NTM: variants seen among roughly 807,000 people sequenced by gnomAD.
NTM encodes the protein neurotrimin, also known as IgLON family member 2.
NTM carries 13 observed loss-of-function variants against 42.1 expected under a neutral mutation model. That is an observed-to-expected ratio of 0.31 (90% CI 0.20 to 0.49). The LOEUF is 0.49. Among genes scored for constraint, NTM ranks in the 20% least tolerant of loss-of-function variants. The pLI is 0.99. For synonymous variants in NTM, 187 were observed against 179.2 expected (o/e 1.04, Z -0.35); for missense variants, 373 against 452.8 (o/e 0.82, Z 1.60).
Position 132,331,758 on chromosome 11 carries a change from G to T in NTM, c.967+1573G>T, listed in dbSNP as rs57277563. Among the ~76,000 whole-genome samples the T allele has an allele frequency of 8.9e-3, 1,360 of 152,340 alleles. 16 individuals carry two copies. The highest frequency in any genetic ancestry group is 0.031 in the African/African-American group (1,305 of 41,586). On this transcript the variant is annotated intron_variant, in intron 8 of 8. Transcript: ENST00000683400. ...TATGGCACTGAGCAAGGCAGGGAAG[G>T]CTGCCTGCAAGAGGTGCTGAAGGCT...
chr11:131,956,268 G>C (rs551648816), intron 2 of NTM, among the ~76,000 whole-genome samples: 1 of 152,294 alleles, frequency 6.6e-6, no homozygotes, highest in East Asian at 1.9e-4. Context: ...GAAGCTGGGT[G>C]CCCCCACATG....
At chr11:131,811,964 A>G (rs887672677) in intron 1 of NTM, among the ~76,000 whole-genome samples, 1 of 152,206 alleles carries the variant, frequency 6.6e-6, no homozygotes, top group Non-Finnish European at 1.5e-5. Flanking sequence ...AAGTATTTAC[A>G]GTAGATGATG....
chr11:132,252,138 G>A (rs375922957), intron 4 of NTM, among the ~76,000 whole-genome samples: 33 of 151,998 alleles, frequency 2.2e-4, no homozygotes, highest in East Asian at 1.9e-3. Context: ...AGGGCTGGCC[G>A]CTCAGCGTCA....
At chr11:132,314,919 A>G (rs941007335) in intron 7 of NTM, 13 of 1,330,346 alleles carry the variant, frequency 9.8e-6, no homozygotes, top group Non-Finnish European at 1.2e-5. Context: ...CAAGAGATAC[A>G]GTTTACATGT....
intron 2 of NTM, among the ~76,000 whole-genome samples, chr11:131,919,549 G>C (rs1404612570): frequency 6.6e-6 from 1 of 152,050 alleles, no homozygotes; most frequent in African/African-American, 2.4e-5. Context: ...CTAGAAAGAA[G>C]ATAGAGTGGG....
At chr11:132,024,505 A>T (rs543597700) in intron 2 of NTM, among the ~76,000 whole-genome samples, 1 of 152,308 alleles carries the variant, frequency 6.6e-6, no homozygotes, top group East Asian at 1.9e-4. Context: ...ATAAATTTTT[A>T]CTGTATTGTT....
intron 1 of NTM, among the ~76,000 whole-genome samples, chr11:131,509,853 A>G (rs1032718293): frequency 3.9e-5 from 6 of 152,316 alleles, no homozygotes; most frequent in Admixed American, 3.3e-4. Context: ...TCCTCAGCCC[A>G]TTGCTTCAAG....
At chr11:131,574,809 G>A (rs894407993) in intron 1 of NTM, among the ~76,000 whole-genome samples, 9 of 152,090 alleles carry the variant, frequency 5.9e-5, no homozygotes, top group African/African-American at 1.9e-4. Flanking sequence ...CAGCCTCAAA[G>A]TCCCTTGGCA....
intron 4 of NTM, among the ~76,000 whole-genome samples, chr11:132,237,763 G>A (rs549259723): frequency 6.6e-6 from 1 of 152,282 alleles, no homozygotes; most frequent in South Asian, 2.1e-4. Context: ...CGTAGCCAGA[G>A]GAAATCTGGG....
chr11:131,680,251 G>C (rs922561471), intron 1 of NTM, among the ~76,000 whole-genome samples: 1 of 152,132 alleles, frequency 6.6e-6, no homozygotes, highest in Non-Finnish European at 1.5e-5. Context: ...AAAATGAATC[G>C]GAAAAGATAC....
At chr11:131,754,723 A>T (rs2083095093) in intron 1 of NTM, among the ~76,000 whole-genome samples, 1 of 152,252 alleles carries the variant, frequency 6.6e-6, no homozygotes, top group Non-Finnish European at 1.5e-5. Flanking sequence ...GTCTACATAG[A>T]GACTTGTACA....
chr11:132,070,138 G>C (rs1479338152), intron 2 of NTM, among the ~76,000 whole-genome samples: 4 of 140,698 alleles, frequency 2.8e-5, no homozygotes, highest in African/African-American at 5.5e-5. Context: ...ACGTCACACA[G>C]CCAAGTTAAC....
intron 1 of NTM, among the ~76,000 whole-genome samples, chr11:131,529,423 T>A (rs1591950073): frequency 6.6e-6 from 1 of 152,160 alleles, no homozygotes; most frequent in Non-Finnish European, 1.5e-5. Context: ...AAAATTAGAC[T>A]CTCAACCTTG....
chr11:131,547,875 C>T (rs947124888), intron 1 of NTM, among the ~76,000 whole-genome samples: 3 of 152,148 alleles, frequency 2.0e-5, no homozygotes, highest in Admixed American at 2.0e-4. Flanking sequence ...AAATCTTTGG[C>T]ATCTCTCAAA....
intron 1 of NTM, among the ~76,000 whole-genome samples, chr11:131,465,860 C>G (rs1951831820): frequency 6.6e-6 from 1 of 151,054 alleles, no homozygotes; most frequent in Admixed American, 6.6e-5. Context: ...TGGCTGTGCC[C>G]TGGAGCCGTG....
chr11:131,491,773 A>G (rs1954820385), intron 1 of NTM, among the ~76,000 whole-genome samples: 1 of 152,204 alleles, frequency 6.6e-6, no homozygotes, highest in Non-Finnish European at 1.5e-5. Flanking sequence ...GCTAAGATGA[A>G]TGTCACCTTC....
chr11:131,965,976 A>C (rs1202414691), intron 2 of NTM, among the ~76,000 whole-genome samples: 2 of 150,112 alleles, frequency 1.3e-5, no homozygotes, highest in South Asian at 2.2e-4. Context: ...GGAAGGGGGA[A>C]GGAAAGGAAA....
intron 2 of NTM, among the ~76,000 whole-genome samples, chr11:132,011,600 A>G (rs80042395): frequency 0.01 from 1,579 of 152,314 alleles, 34 homozygotes; most frequent in African/African-American, 0.036. Flanking sequence ...TACAAGCATT[A>G]TCCAAATTAA....
chr11:131,464,924 A>C (rs1951749328), intron 1 of NTM, among the ~76,000 whole-genome samples: 1 of 152,064 alleles, frequency 6.6e-6, no homozygotes, highest in Non-Finnish European at 1.5e-5. Context: ...TTTCATTTTG[A>C]CTCCATGTTT....
Sources: gnomAD v4.1 joint callset for allele counts (sites outside exome capture counted in the v4.1 genomes callset) on GRCh38, gnomAD v4.1.1 for gene constraint, MANE v1.5 for transcripts, NCBI Gene and HGNC (gene_info 2026-07-23, HGNC 2026-07-21) for gene names.